Variants in MAGI2 observed in about 807,000 individuals in gnomAD.
The protein encoded by MAGI2 is membrane associated guanylate kinase, WW and PDZ domain containing 2.
Under a neutral mutation model 133.3 loss-of-function variants are expected in MAGI2, and 35 were observed. That is an observed-to-expected ratio of 0.26 (90% confidence interval 0.20 to 0.35). The LOEUF is 0.35. Ranked by LOEUF, MAGI2 falls within the 10% of genes least tolerant of loss-of-function variation. The pLI, the probability that MAGI2 is intolerant of heterozygous loss-of-function variation, is 1.00. For missense variants in MAGI2, 1,636 were observed against 1,863.4 expected, an observed-to-expected ratio of 0.88 and a Z score of 2.25; for synonymous variants, 729 against 710.6, an observed-to-expected ratio of 1.03 and a Z score of -0.41.
At chr7:78,437,765 TG>T (rs1258815196) in intron 6 of MAGI2, among the ~76,000 whole-genome samples, 3 of 152,186 alleles carry the variant, frequency 2.0e-5, no homozygotes, top group Non-Finnish European at 2.9e-5. Context: ...TGACATACCA[TG>T]GTCCACAGCA....
chr7:78,258,325 G>A (rs567189408), intron 9 of MAGI2, among the ~76,000 whole-genome samples: 1 of 152,300 alleles, frequency 6.6e-6, no homozygotes, highest in East Asian at 1.9e-4. Context: ...CAGTGTCCCA[G>A]AGAAGTGTCT....
Position 78,127,179 on chromosome 7 carries a change from C to G in MAGI2, c.3423+18G>C, listed in dbSNP as rs1444331870. On this transcript the variant is annotated intron_variant, in intron 19 of 21. Coordinates refer to ENST00000354212, the MANE Select transcript of MAGI2 (RefSeq NM_012301.4). ...GAAGCCTTGGTCAGGACCCACCCTG[C>G]TCTCCGGGAGGAGGTACCTGGGGTT... The G allele has an allele frequency of 6.5e-7, 1 of 1,541,896 alleles. No individual in the cohort carries two copies. Among genetic ancestry groups the G allele is most frequent in the African/African-American group, 1.4e-5 (1 of 72,418 alleles).
intron 1 of MAGI2, among the ~76,000 whole-genome samples, chr7:79,371,025 A>G (rs1268398815): frequency 1.3e-5 from 2 of 152,120 alleles, no homozygotes; most frequent in East Asian, 3.8e-4. Context: ...AGAAATAAAA[A>G]AAAGGAACAT....
chr7:79,324,575 ATACACC>A (rs1839476180), intron 1 of MAGI2, among the ~76,000 whole-genome samples: 1 of 54,924 alleles, frequency 1.8e-5, no homozygotes, highest in African/African-American at 6.3e-5. Flanking sequence ...AACCATATAT[ATACACC>A]ATATATATAT....
intron 1 of MAGI2, among the ~76,000 whole-genome samples, chr7:79,069,576 G>C (rs1814743958): frequency 6.6e-6 from 1 of 151,970 alleles, no homozygotes; most frequent in Non-Finnish European, 1.5e-5. Flanking sequence ...CTTTTAATTG[G>C]GGCAATTACC....
chr7:78,612,692 C>T (rs1019196559), intron 3 of MAGI2, among the ~76,000 whole-genome samples: 3 of 151,536 alleles, frequency 2.0e-5, no homozygotes, highest in African/African-American at 2.4e-5. Flanking sequence ...TTTTTTGAGG[C>T]GGGGTCTCGC....
At chr7:78,730,235 C>T (rs569920223) in intron 2 of MAGI2, among the ~76,000 whole-genome samples, 1 of 152,058 alleles carries the variant, frequency 6.6e-6, no homozygotes, top group South Asian at 2.1e-4. Context: ...TTTTTATCCC[C>T]AGAGTTACTA....
intron 9 of MAGI2, among the ~76,000 whole-genome samples, chr7:78,313,085 T>A (rs1334741845): frequency 6.6e-6 from 1 of 151,930 alleles, no homozygotes; most frequent in Non-Finnish European, 1.5e-5. Flanking sequence ...GGTCCTTAAG[T>A]GAAAACTCAG....
chr7:78,056,388 AT>A (rs1812566923), intron 21 of MAGI2, among the ~76,000 whole-genome samples: 2 of 152,182 alleles, frequency 1.3e-5, no homozygotes, highest in Non-Finnish European at 2.9e-5. Context: ...CTGCAGCACT[AT>A]TTACAATACT....
chr7:79,310,751 T>G (rs561820386), intron 1 of MAGI2, among the ~76,000 whole-genome samples: 1 of 152,186 alleles, frequency 6.6e-6, no homozygotes, highest in Admixed American at 6.5e-5. Flanking sequence ...CAAGTAAAAT[T>G]TATCACTATG....
chr7:79,010,458 T>TA (rs921053814), intron 1 of MAGI2, among the ~76,000 whole-genome samples: 13 of 152,216 alleles, frequency 8.5e-5, no homozygotes, highest in African/African-American at 3.1e-4. Flanking sequence ...TAAAGCAAGC[T>TA]AAAAAATACA....
chr7:79,374,882 T>G (rs1187615480), intron 1 of MAGI2, among the ~76,000 whole-genome samples: 1 of 151,936 alleles, frequency 6.6e-6, no homozygotes, highest in African/African-American at 2.4e-5. Context: ...TCTGCCTTTC[T>G]GGTACTCATG....
At chr7:78,057,145 A>G (rs2151123817) in intron 21 of MAGI2, among the ~76,000 whole-genome samples, 1 of 151,852 alleles carries the variant, frequency 6.6e-6, no homozygotes, top group Middle Eastern at 3.5e-3. Context: ...AAGAACCTCC[A>G]TACCGTTTCC....
intron 21 of MAGI2, among the ~76,000 whole-genome samples, chr7:78,057,977 G>GTGTATATTTATATATATATATA (rs762943472): frequency 1.9e-5 from 2 of 106,612 alleles, no homozygotes; most frequent in African/African-American, 6.7e-5. Flanking sequence ...ATATATATGT[G>GTGTATATTTATATATATATATA]TATATATATA....
At chr7:78,497,985 TCA>T (rs1794278910) in intron 5 of MAGI2, among the ~76,000 whole-genome samples, 1 of 152,200 alleles carries the variant, frequency 6.6e-6, no homozygotes, top group African/African-American at 2.4e-5. Flanking sequence ...CAAATCTCTC[TCA>T]TTTTTCTTCT....
chr7:79,353,271 T>C, intron 1 of MAGI2: 1 of 323,206 alleles, frequency 3.1e-6, no homozygotes, highest in Non-Finnish European at 6.3e-6. Context: ...TTCTCAGCCC[T>C]GGCAGGGTGG....
chr7:78,049,661 G>A (rs564804681), intron 21 of MAGI2, among the ~76,000 whole-genome samples: 1 of 152,202 alleles, frequency 6.6e-6, no homozygotes, highest in East Asian at 1.9e-4. Context: ...TTCTAGTTGT[G>A]TATGTGGGTG....
intron 2 of MAGI2, among the ~76,000 whole-genome samples, chr7:78,883,595 G>T (rs1052485174): frequency 5.3e-5 from 8 of 152,014 alleles, no homozygotes; most frequent in Admixed American, 1.3e-4. Flanking sequence ...AAAGCTGGAG[G>T]CATCGCATTA....
At chr7:79,051,981 G>A (rs146907561) in intron 1 of MAGI2, among the ~76,000 whole-genome samples, 52 of 152,130 alleles carry the variant, frequency 3.4e-4, no homozygotes, top group Admixed American at 3.1e-3. Context: ...CTCATAAGCT[G>A]TAAGATTTGT....
Sources: allele counts gnomAD v4.1 joint callset (sites outside exome capture counted in the v4.1 genomes callset), GRCh38; gene constraint gnomAD v4.1.1; transcripts MANE v1.5; gene names NCBI Gene and HGNC (gene_info 2026-07-23, HGNC 2026-07-21).